The following WARS2 variants were observed in gnomAD, a reference collection of about 807,000 sequenced individuals.
WARS2 encodes tryptophan--tRNA ligase, mitochondrial.
Under a neutral mutation model 36.5 loss-of-function variants are expected in WARS2, and 28 were observed. That is an observed-to-expected ratio of 0.77 (90% CI 0.57 to 1.05). The LOEUF (loss-of-function observed/expected upper bound fraction) is 1.05, where lower values mean the gene tolerates loss of function less well. Ranked by LOEUF, WARS2 falls within the 50% of genes least tolerant of loss-of-function variation. The probability of loss-of-function intolerance (pLI) is 0.00; values close to 1 mark genes in which losing one functional copy is unlikely to be tolerated. For missense variants in WARS2, 435 were observed against 456.8 expected (o/e 0.95, Z 0.44); for synonymous variants, 174 against 178.4 (o/e 0.98, Z 0.20).
chr1:119,031,830 C>A lies in WARS2; in HGVS notation c.*1081G>T, dbSNP rs17023092. On this transcript the variant is annotated 3_prime_UTR_variant, in exon 6 of 6. Transcript: ENST00000235521. ...TATTTCAAAGTATTTCTGCAATGAG[C>A]GTAGAGGAGAGAACTTGGGACCCGC... is the stretch of plus-strand genomic sequence containing the variant. 5 of 152,354 alleles carry A rather than the reference C, an allele frequency of 3.3e-5. No individual in the cohort carries two copies. The highest frequency in any genetic ancestry group is 1.2e-4 in the African/African-American group (5 of 41,390). The allele number at this position is 152,354 out of a possible 1,614,324, so 9.4% of individuals were successfully genotyped here.
chr1:119,082,246 T>C, intron 1 of WARS2: 1 of 984,642 alleles, frequency 1.0e-6, no homozygotes, highest in Non-Finnish European at 1.2e-6. Context: ...AGGAATCAAC[T>C]TAATTCTTAA....
chr1:119,071,283 T>C (rs1651298229), intron 2 of WARS2, among the ~76,000 whole-genome samples: 1 of 152,166 alleles, frequency 6.6e-6, no homozygotes, highest in Non-Finnish European at 1.5e-5. Flanking sequence ...AACAGTATGG[T>C]GGTTCCTCAA....
At chr1:119,091,206 C>A (rs1653018434) in intron 1 of WARS2, among the ~76,000 whole-genome samples, 1 of 152,188 alleles carries the variant, frequency 6.6e-6, no homozygotes, top group Admixed American at 6.5e-5. Context: ...CTCTGAAACT[C>A]AGTTTTATTA....
chr1:119,074,237 G>A (rs1321388519), intron 2 of WARS2, among the ~76,000 whole-genome samples: 3 of 152,196 alleles, frequency 2.0e-5, no homozygotes, highest in Admixed American at 1.3e-4. Flanking sequence ...AGGTGAGAGT[G>A]CTTTTGAGAT....
chr1:119,085,804 C>T (rs1571337790), intron 1 of WARS2: 2 of 1,608,834 alleles, frequency 1.2e-6, no homozygotes, highest in Non-Finnish European at 1.7e-6. Context: ...CAGATGATGT[C>T]CCCTTCAGTC....
intron 1 of WARS2, among the ~76,000 whole-genome samples, chr1:119,118,291 A>C (rs587597262): frequency 6.6e-6 from 1 of 152,200 alleles, no homozygotes; most frequent in South Asian, 2.1e-4. Context: ...AACACACTGA[A>C]AAGTATTAAT....
intron 1 of WARS2, among the ~76,000 whole-genome samples, chr1:119,126,033 T>C (rs1482042056): frequency 2.0e-5 from 3 of 152,190 alleles, no homozygotes; most frequent in Non-Finnish European, 4.4e-5. Flanking sequence ...TTCAAGCTTA[T>C]TTAGAAATTA....
intron 1 of WARS2, among the ~76,000 whole-genome samples, chr1:119,128,730 C>T (rs587638469): frequency 4.1e-4 from 63 of 152,150 alleles, no homozygotes; most frequent in African/African-American, 1.5e-3. Context: ...CCACCCCTCT[C>T]GTTCCCCATT....
At chr1:119,085,058 T>C (rs1652520808) in intron 1 of WARS2, 1 of 715,330 alleles carries the variant, frequency 1.4e-6, no homozygotes, top group Non-Finnish European at 2.6e-6. Context: ...GCTGGGTCCT[T>C]TTATGCCTAT....
At chr1:119,113,989 T>A (rs1217945023) in intron 1 of WARS2, among the ~76,000 whole-genome samples, 1 of 152,122 alleles carries the variant, frequency 6.6e-6, no homozygotes, top group East Asian at 1.9e-4. Context: ...CAGTAGTAAA[T>A]ATACACAGTA....
At chr1:119,108,941 T>C (rs1262896795) in intron 1 of WARS2, among the ~76,000 whole-genome samples, 2 of 151,990 alleles carry the variant, frequency 1.3e-5, no homozygotes, top group Non-Finnish European at 2.9e-5. Flanking sequence ...TTCAAAATAT[T>C]TTAGAATTTC....
At chr1:119,078,711 C>G (rs1651954443) in intron 1 of WARS2, among the ~76,000 whole-genome samples, 2 of 152,022 alleles carry the variant, frequency 1.3e-5, no homozygotes, top group African/African-American at 4.8e-5. Context: ...TGTACATATT[C>G]TAGATGCTAA....
At chr1:119,035,489 T>C (rs1034717194) in intron 4 of WARS2, among the ~76,000 whole-genome samples, 1 of 152,170 alleles carries the variant, frequency 6.6e-6, no homozygotes, top group Non-Finnish European at 1.5e-5. Context: ...CAATAAATGG[T>C]TGCTATTGAT....
chr1:119,098,659 G>A (rs587647184), intron 1 of WARS2, among the ~76,000 whole-genome samples: 5 of 152,180 alleles, frequency 3.3e-5, no homozygotes, highest in East Asian at 3.9e-4. Context: ...GACTAGTCTC[G>A]AACTCCTGAC....
At chr1:119,036,748 G>A (rs1026556252) in intron 4 of WARS2, among the ~76,000 whole-genome samples, 6 of 152,062 alleles carry the variant, frequency 3.9e-5, no homozygotes, top group African/African-American at 9.7e-5. Flanking sequence ...GCCTGATGTC[G>A]GATCCTTGCC....
intron 4 of WARS2, among the ~76,000 whole-genome samples, chr1:119,040,993 A>T (rs1203751930): frequency 6.6e-6 from 1 of 152,248 alleles, no homozygotes; most frequent in Non-Finnish European, 1.5e-5. Flanking sequence ...TACAACAAAC[A>T]GACAAATAAG....
chr1:119,121,216 T>C (rs1655305426), intron 1 of WARS2, among the ~76,000 whole-genome samples: 1 of 152,114 alleles, frequency 6.6e-6, no homozygotes, highest in Non-Finnish European at 1.5e-5. Flanking sequence ...AAAATCAATG[T>C]ACATAAATCA....
chr1:119,098,222 C>T (rs1334568857), intron 1 of WARS2, among the ~76,000 whole-genome samples: 5 of 151,992 alleles, frequency 3.3e-5, no homozygotes, highest in Non-Finnish European at 7.4e-5. Flanking sequence ...GCACTCCAAC[C>T]AGGGCAGCAG....
At chr1:119,121,939 C>A (rs2101539028) in intron 1 of WARS2, among the ~76,000 whole-genome samples, 1 of 152,216 alleles carries the variant, frequency 6.6e-6, no homozygotes, top group Non-Finnish European at 1.5e-5. Flanking sequence ...CCTAAAAATT[C>A]TAGGAGATAA....
Sources: gnomAD v4.1 joint callset for allele counts (sites outside exome capture counted in the v4.1 genomes callset) on GRCh38, gnomAD v4.1.1 for gene constraint, MANE v1.5 for transcripts, NCBI Gene and HGNC (gene_info 2026-07-23, HGNC 2026-07-21) for gene names.